TTYH3: variants seen among roughly 807,000 people sequenced by gnomAD.
The protein encoded by TTYH3 is protein tweety homolog 3.
Under a neutral mutation model 68.2 loss-of-function variants are expected in TTYH3, and 23 were observed. The ratio of observed to expected loss-of-function variants is 0.34; its 90% CI spans 0.24 to 0.48. The LOEUF is 0.48. TTYH3 is among the 20% of genes least tolerant of loss of function. The pLI is 0.99. For missense variants in TTYH3, 768 were observed against 727.7 expected, an observed-to-expected ratio of 1.06 and a Z score of -0.64; for synonymous variants, 360 against 332.8, an observed-to-expected ratio of 1.08 and a Z score of -0.89.
chr7:2,650,209 T>G (rs1786129345), intron 7 of TTYH3, among the ~76,000 whole-genome samples: 1 of 152,176 alleles, frequency 6.6e-6, no homozygotes, highest in Non-Finnish European at 1.5e-5. Context: ...GGTGCCCGCG[T>G]GGCAGGGGGA....
chr7:2,661,534 T>G, intron 13 of TTYH3, 134 bp from the exon 14 acceptor site: 1 of 890,580 alleles, frequency 1.1e-6, no homozygotes, highest in Non-Finnish European at 1.8e-6. Flanking sequence ...ATAGGCTCTG[T>G]CAGGGCACCC....
chr7:2,651,234 T>C (rs1203790050), intron 7 of TTYH3, among the ~76,000 whole-genome samples: 1 of 152,180 alleles, frequency 6.6e-6, no homozygotes, highest in African/African-American at 2.4e-5. Flanking sequence ...TGAGGGTTAC[T>C]GAATGACCTT....
chr7:2,650,486 G>A (rs930841592), intron 7 of TTYH3, among the ~76,000 whole-genome samples: 4 of 152,056 alleles, frequency 2.6e-5, no homozygotes, highest in African/African-American at 9.7e-5. Context: ...ACTGAGGCAC[G>A]AGAATTGCCT....
In TTYH3 at chr7:2,646,893, C is replaced by T; in HGVS notation, c.164C>T (p.Ala55Val). 1 of 1,598,630 alleles carries T rather than the reference C, an allele frequency of 6.3e-7. No individual in the cohort carries two copies. The highest frequency in any genetic ancestry group is 8.5e-7 in the Non-Finnish European group (1 of 1,179,310). ...GGGGCCGCCGCCCTGGCCTGCCTCGCCCTGGACCTCCTCTTCCTGCTCTTC... is the reference window on the plus strand; with the variant it reads ...GGGGCCGCCGCCCTGGCCTGCCTCGTCCTGGACCTCCTCTTCCTGCTCTTC... Reference protein sequence around the residue: ...LLGAAALACLALDLLFLLFYS... With the variant: ...LLGAAALACLVLDLLFLLFYS... Residue 55 changes from alanine to valine, a missense_variant, in exon 2 of 14, where the codon GCC (alanine) becomes GTC (valine). Ala to Val is a moderately conservative substitution (Grantham distance 64). Transcript: ENST00000258796.
rs1303993755 is a variant in TTYH3, at chr7:2,645,675, C to G, written c.124-1178C>G. 2.4e-6 allele frequency: 1 copy of G among 413,982 alleles called. No individual in the cohort carries two copies. Among genetic ancestry groups the G allele is most frequent in the Non-Finnish European group, 5.0e-6 (1 of 198,194 alleles). 25.6% of individuals were successfully genotyped at this position (413,982 alleles called of 1,614,324 possible). On this transcript the variant is annotated intron_variant, in intron 1 of 13. Coordinates refer to ENST00000258796, the MANE Select transcript of TTYH3 (RefSeq NM_025250.3). The surrounding 1 kb of genome is among the most constrained non-coding windows in gnomAD (Gnocchi z 4.8). Reference sequence around the variant, plus strand: ...CCATCTCATCCAGCGTGGGGGCACGCCATGGACGGTGCCCACCCCTGAGTG... The same window carrying G: ...CCATCTCATCCAGCGTGGGGGCACGGCATGGACGGTGCCCACCCCTGAGTG...
Position 2,658,414 on chromosome 7 carries a change from C to T in TTYH3, c.1379C>T (p.Pro460Leu), listed in dbSNP as rs767956623. 7.4e-6 allele frequency: 12 copies of T among 1,612,312 alleles called. No individual in the cohort carries two copies. Among genetic ancestry groups the T allele is most frequent in the East Asian group, 2.2e-5 (1 of 44,868 alleles). ...GSSYGSETSI[P>L]AAAHTVSNAP... Reference sequence around the variant, plus strand: ...AGCTACGGCAGTGAGACCAGCATCCCGGCCGCGGCCCACACCGTCAGCAAC... The same window carrying T: ...AGCTACGGCAGTGAGACCAGCATCCTGGCCGCGGCCCACACCGTCAGCAAC... Residue 460 changes from proline (P) to leucine (L), a missense_variant, in exon 12 of 14, where the codon CCG becomes CTG. Coordinates refer to ENST00000258796, the MANE Select transcript of TTYH3 (RefSeq NM_025250.3).
rs757792627 is a variant in TTYH3, at chr7:2,650,036, G to T, written c.871+48G>T. ...GTCCCAGCGGGTTCCCCAGGGTTGGGCTGAGCCAAAAGAGTGGGGTAGCTG... is the reference window on the plus strand; with the variant it reads ...GTCCCAGCGGGTTCCCCAGGGTTGGTCTGAGCCAAAAGAGTGGGGTAGCTG... On this transcript the variant is annotated intron_variant, in intron 7 of 13. Coordinates refer to ENST00000258796, the MANE Select transcript of TTYH3 (RefSeq NM_025250.3). The T allele has an allele frequency of 1.9e-5, 31 of 1,606,584 alleles. No individual in the cohort carries two copies. The Admixed American group carries it at 4.8e-4, about 25-fold the overall frequency.
chr7:2,655,300 C>T (rs1044498544), intron 9 of TTYH3, among the ~76,000 whole-genome samples: 3 of 152,170 alleles, frequency 2.0e-5, no homozygotes, highest in African/African-American at 7.2e-5. Flanking sequence ...CGCGTGCCAC[C>T]ACGCCTGGCT....
intron 13 of TTYH3, 111 bp downstream of exon 13, chr7:2,659,126 G>A: frequency 1.8e-6 from 2 of 1,083,468 alleles, no homozygotes; most frequent in Non-Finnish European, 2.7e-6. Flanking sequence ...AGCTCTGGGG[G>A]CAGCTGTGAG....
At position 2,647,645 on chromosome 7, in the gene TTYH3, C is replaced by T. The variant is rs762743135; in HGVS notation, c.626+7C>T. The T allele has an allele frequency of 5.7e-5, 88 of 1,552,164 alleles. No individual in the cohort carries two copies. The highest frequency in any genetic ancestry group is 7.3e-5 in the Non-Finnish European group (84 of 1,146,094). ...ATCTCTACGACTGGTACAGGTGCGG[C>T]CAGGCCCTCTTCCCTGCCCGCCCCA... On this transcript the variant is annotated splice_region_variant and intron_variant, in intron 4 of 13. Coordinates refer to ENST00000258796, the MANE Select transcript of TTYH3 (RefSeq NM_025250.3).
chr7:2,643,774 C>G (rs1285727174), intron 1 of TTYH3, among the ~76,000 whole-genome samples: 3 of 152,008 alleles, frequency 2.0e-5, no homozygotes, highest in Non-Finnish European at 4.4e-5. Context: ...GCCCCGAGCT[C>G]TGGGTGGACA....
At chr7:2,656,619 C>A in intron 11 of TTYH3, 85 bp downstream of exon 11, 1 of 1,485,854 alleles carries the variant, frequency 6.7e-7, no homozygotes, top group Non-Finnish European at 9.0e-7. Context: ...TATGGACACC[C>A]ATGTGCCAGT....
In TTYH3 at chr7:2,662,195, C is replaced by T; in HGVS notation, c.*456C>T. The stretch of plus-strand genomic sequence containing the variant: ...CCTGCTGGCCACTGAGGGACAGGGA[C>T]ACGTGCCACCTGCTCATCTCTGCCC... On this transcript the variant is annotated 3_prime_UTR_variant, in exon 14 of 14. Coordinates refer to ENST00000258796, the MANE Select transcript of TTYH3 (RefSeq NM_025250.3). The T allele has an allele frequency of 3.6e-6, 1 of 280,496 alleles. No homozygotes were observed. Among genetic ancestry groups the T allele is most frequent in the South Asian group, 3.8e-5 (1 of 26,376 alleles). 17.4% of individuals were successfully genotyped at this position (280,496 alleles called of 1,614,324 possible).
Position 2,662,278 on chromosome 7 carries a change from G to A in TTYH3, c.*539G>A, listed in dbSNP as rs1431884729. 1 of 165,886 alleles carries A rather than the reference G, an allele frequency of 6.0e-6. No individual in the cohort carries two copies. The highest frequency in any genetic ancestry group is 1.3e-5 in the Non-Finnish European group (1 of 76,974). The allele number at this position is 165,886 out of a possible 1,614,324, so 10.3% of individuals were successfully genotyped here. On this transcript the variant is annotated 3_prime_UTR_variant, in exon 14 of 14. Transcript: ENST00000258796. ...TCTCTCTGCAGTGCCCTCCTCGCCT[G>A]TGCAGCCCGCCCACCCACAGGCTCA...
intron 1 of TTYH3, among the ~76,000 whole-genome samples, chr7:2,640,556 G>A (rs1785812980): frequency 6.6e-6 from 1 of 152,206 alleles, no homozygotes; most frequent in Non-Finnish European, 1.5e-5. Flanking sequence ...GCAGGTGGCA[G>A]GCAGTGTGCC....
chr7:2,651,404 C>T (rs1297705918), intron 7 of TTYH3, among the ~76,000 whole-genome samples: 1 of 152,022 alleles, frequency 6.6e-6, no homozygotes, highest in African/African-American at 2.4e-5. Flanking sequence ...TCCTCGGGGG[C>T]GAGGGTGGAG....
At position 2,643,153 on chromosome 7, in the gene TTYH3, A is replaced by G. The variant is rs183908096; in HGVS notation, c.124-3700A>G. On this transcript the variant is annotated intron_variant, in intron 1 of 13. Transcript: ENST00000258796. ...GGCAGATCATGAGGTCAGGAAATCG[A>G]GAGCATCCTGGCTAACACAGTGAAA... Among the ~76,000 whole-genome samples the G allele has an allele frequency of 1.7e-4, 26 of 151,794 alleles. No homozygotes were observed. The East Asian group carries it at 5.0e-3, about 29-fold the overall frequency.
intron 1 of TTYH3, among the ~76,000 whole-genome samples, chr7:2,639,445 C>T (rs868726831): frequency 6.6e-6 from 1 of 152,246 alleles, no homozygotes; most frequent in Non-Finnish European, 1.5e-5. Flanking sequence ...CCTCATTCCT[C>T]TTCCTGCCTC....
chr7:2,639,754 C>T (rs567395794), intron 1 of TTYH3, among the ~76,000 whole-genome samples: 13 of 152,302 alleles, frequency 8.5e-5, no homozygotes, highest in Admixed American at 7.8e-4. Flanking sequence ...GGGGTTCTGG[C>T]CCCTCAGTGG....
Sources: gnomAD v4.1 joint callset for allele counts (sites outside exome capture counted in the v4.1 genomes callset) on GRCh38, gnomAD v4.1.1 for gene constraint, Gnocchi (gnomAD v3.1) non-coding constraint, MANE v1.5 for transcripts, NCBI Gene and HGNC (gene_info 2026-07-23, HGNC 2026-07-21) for gene names.